PLEKHG4B: variants seen among roughly 807,000 people sequenced by gnomAD.
The protein encoded by PLEKHG4B is pleckstrin homology domain-containing family G member 4B.
In PLEKHG4B, 111 loss-of-function variants were observed where a neutral mutation model predicts 121.3. That is an observed-to-expected ratio of 0.92 (90% CI 0.78 to 1.07). The LOEUF (loss-of-function observed/expected upper bound fraction) is 1.07, where lower values mean the gene tolerates loss of function less well. Among genes scored for constraint, PLEKHG4B ranks in the 50% least tolerant of loss-of-function variants. The pLI, the probability that PLEKHG4B is intolerant of heterozygous loss-of-function variation, is 0.00. For synonymous variants in PLEKHG4B, 738 were observed against 725.0 expected (o/e 1.02, Z -0.29); for missense variants, 1,831 against 1,757.8 (o/e 1.04, Z -0.74).
intron 11 of PLEKHG4B, among the ~76,000 whole-genome samples, chr5:160,078 G>T (rs1735941732): frequency 6.6e-6 from 1 of 152,252 alleles, no homozygotes. Context: ...ATGTATAGGT[G>T]CACGTCTGTC....
Position 171,137 on chromosome 5 carries a change from T to G in PLEKHG4B, c.3819+5T>G. 1 of 1,611,074 alleles carries G rather than the reference T, an allele frequency of 6.2e-7. No homozygotes were observed. Among genetic ancestry groups the G allele is most frequent in the Non-Finnish European group, 8.5e-7 (1 of 1,178,690 alleles). On this transcript the variant is annotated splice_donor_5th_base_variant and intron_variant, in intron 15 of 19. Coordinates refer to ENST00000637938, the MANE Select transcript of PLEKHG4B (RefSeq NM_052909.5). ...CATGGCAACGCCTTCTTCAAGGTCA[T>G]CCCCCTCGGCCCGCCCCCCACAGCC...
intron 13 of PLEKHG4B, among the ~76,000 whole-genome samples, chr5:164,770 C>T (rs1243336857): frequency 7.3e-5 from 8 of 110,122 alleles, no homozygotes; most frequent in South Asian, 3.1e-4. Flanking sequence ...TCTGACGGGG[C>T]GGAGCTCACA....
At chr5:98,813 C>G (rs1733706092) in intron 1 of PLEKHG4B, among the ~76,000 whole-genome samples, 1 of 131,498 alleles carries the variant, frequency 7.6e-6, no homozygotes, top group Non-Finnish European at 1.6e-5. Context: ...ATCAGGAAGT[C>G]TGAGTATTCC....
Position 140,619 on chromosome 5 carries a change from C to G in PLEKHG4B, c.1380C>G (p.His460Gln), listed in dbSNP as rs1356204239. Residue 460 changes from histidine to glutamine, a missense_variant, in exon 3 of 20, where the codon CAC becomes CAG. His to Gln is a conservative substitution (Grantham distance 24). Coordinates refer to ENST00000637938, the MANE Select transcript of PLEKHG4B (RefSeq NM_052909.5). ...AQAAACHTSH[H>Q]SAGSRPGGHL... ...CTGCAGCCTGCCACACCTCCCACCACTCAGCAGGCTCCAGGCCTGGGGGCC... is the reference window on the plus strand; with the variant it reads ...CTGCAGCCTGCCACACCTCCCACCAGTCAGCAGGCTCCAGGCCTGGGGGCC... The G allele has an allele frequency of 2.5e-6, 4 of 1,610,912 alleles. No homozygotes were observed. Among genetic ancestry groups the G allele is most frequent in the Non-Finnish European group, 2.5e-6 (3 of 1,178,998 alleles).
At chr5:101,655 G>T (rs1733818548) in intron 1 of PLEKHG4B, among the ~76,000 whole-genome samples, 2 of 134,806 alleles carry the variant, frequency 1.5e-5, no homozygotes, top group African/African-American at 6.5e-5. Flanking sequence ...TCCATATAAA[G>T]CTCTGGAAAA....
At chr5:153,691 GT>G (rs1192806077) in intron 7 of PLEKHG4B, among the ~76,000 whole-genome samples, 1 of 152,108 alleles carries the variant, frequency 6.6e-6, no homozygotes, top group Non-Finnish European at 1.5e-5. Flanking sequence ...TTTTATTTAT[GT>G]TTTTATTTTT....
At chr5:123,754 A>G (rs1378721204) in intron 2 of PLEKHG4B, among the ~76,000 whole-genome samples, 1 of 152,098 alleles carries the variant, frequency 6.6e-6, no homozygotes, top group Non-Finnish European at 1.5e-5. Flanking sequence ...TTCTTTTTTC[A>G]GTCCACTTGG....
intron 2 of PLEKHG4B, among the ~76,000 whole-genome samples, chr5:118,325 A>G (rs1405984982): frequency 6.6e-6 from 1 of 152,222 alleles, no homozygotes; most frequent in African/African-American, 2.4e-5. Context: ...TAAGCAGACC[A>G]CACACTGCTT....
At chr5:102,500 G>A (rs900473236) in intron 1 of PLEKHG4B, among the ~76,000 whole-genome samples, 2 of 152,114 alleles carry the variant, frequency 1.3e-5, no homozygotes, top group African/African-American at 4.8e-5. Flanking sequence ...GCAACCGCCA[G>A]TGCTGTGGGT....
At chr5:178,344 C>T (rs1408802312) in intron 18 of PLEKHG4B, among the ~76,000 whole-genome samples, 1 of 152,210 alleles carries the variant, frequency 6.6e-6, no homozygotes, top group African/African-American at 2.4e-5. Flanking sequence ...TCCTGCCCTG[C>T]TCATGCCTGT....
chr5:110,746 A>C (rs1196260761), intron 1 of PLEKHG4B, among the ~76,000 whole-genome samples: 1 of 152,142 alleles, frequency 6.6e-6, no homozygotes, highest in Non-Finnish European at 1.5e-5. Context: ...ACTCTGCAAC[A>C]AACGTGCACA....
In PLEKHG4B at chr5:182,484, C is replaced by T; in HGVS notation, c.*161C>T. 1 of 677,230 alleles carries T rather than the reference C, an allele frequency of 1.5e-6. No individual in the cohort carries two copies. The highest frequency in any genetic ancestry group is 2.4e-6 in the Non-Finnish European group (1 of 417,490). The allele number at this position is 677,230 out of a possible 1,614,324, so 42.0% of individuals were successfully genotyped here. A position where few individuals can be genotyped will look rare whatever the true frequency, so the allele number is the denominator to read the frequency against. On this transcript the variant is annotated 3_prime_UTR_variant, in exon 20 of 20. Transcript: ENST00000637938. Reference sequence around the variant, plus strand: ...TCCAGGTATTTCCCAGGATTTTAGACATTCCCTAACATTTTCAAACAAATT... The same window carrying T: ...TCCAGGTATTTCCCAGGATTTTAGATATTCCCTAACATTTTCAAACAAATT...
chr5:106,500 CAGAAAAATCTG>C (rs944514318), intron 1 of PLEKHG4B, among the ~76,000 whole-genome samples: 4 of 152,180 alleles, frequency 2.6e-5, no homozygotes, highest in African/African-American at 9.7e-5. Flanking sequence ...CTTAGTTTGG[CAGAAAAATCTG>C]CCAACAGTAC....
Position 163,162 on chromosome 5 carries a change from G to C in PLEKHG4B, c.3090G>C (p.Leu1030=). 1.3e-6 allele frequency: 2 copies of C among 1,564,538 alleles called. No individual in the cohort carries two copies. Among genetic ancestry groups the C allele is most frequent in the Admixed American group, 1.8e-5 (1 of 54,334 alleles). ...ACGGGGAGACCCTGCGCCCAGGGCT[G>C]TGTGCTCTGTGGGACCCACTGTCCC... is the stretch of plus-strand genomic sequence containing the variant. ...GQDGETLRPG[L]CALWDPLSLL... The change falls in exon 13 of 20, where the codon CTG becomes CTC. Residue 1030 remains leucine, a synonymous_variant. Transcript: ENST00000637938.
chr5:99,170 G>GTATATATATATATATA (rs534174768), intron 1 of PLEKHG4B, among the ~76,000 whole-genome samples: 7 of 100,498 alleles, frequency 7.0e-5, no homozygotes, highest in African/African-American at 1.6e-4. Context: ...AAAAAAAAGT[G>GTATATATATATATATA]TATATATATA....
intron 1 of PLEKHG4B, among the ~76,000 whole-genome samples, chr5:104,916 G>A (rs968318863): frequency 6.6e-6 from 1 of 152,262 alleles, no homozygotes; most frequent in African/African-American, 2.4e-5. Flanking sequence ...CTCCCTCCAT[G>A]GTGGAGAAAC....
intron 1 of PLEKHG4B, among the ~76,000 whole-genome samples, chr5:92,515 TCA>T (rs2126319636): frequency 5.2e-5 from 2 of 38,358 alleles, no homozygotes; most frequent in African/African-American, 1.2e-4. Flanking sequence ...GGCGCGAGCA[TCA>T]AGGCGGGCGG....
chr5:189,057 C>T lies in PLEKHG4B; in HGVS notation c.*6734C>T, dbSNP rs572151672. The T allele has an allele frequency of 6.6e-6, 1 of 152,420 alleles. No individual in the cohort carries two copies. Among genetic ancestry groups the T allele is most frequent in the South Asian group, 2.1e-4 (1 of 4,830 alleles). 9.4% of individuals were successfully genotyped at this position (152,420 alleles called of 1,614,324 possible). A position where few individuals can be genotyped will look rare whatever the true frequency, so the allele number is the denominator to read the frequency against. ...TGCACGGGCCTGGAAATGAAGGTCT[C>T]AGGCAGGGGCTGCGCACACCGATGG... On this transcript the variant is annotated 3_prime_UTR_variant, in exon 20 of 20. Coordinates refer to ENST00000637938, the MANE Select transcript of PLEKHG4B (RefSeq NM_052909.5).
intron 13 of PLEKHG4B, among the ~76,000 whole-genome samples, chr5:167,007 C>T (rs1736375463): frequency 6.6e-6 from 1 of 152,170 alleles, no homozygotes; most frequent in African/African-American, 2.4e-5. Context: ...TCCACTGAGC[C>T]CATGTTTCAG....
Sources: gnomAD v4.1 joint callset for allele counts (sites outside exome capture counted in the v4.1 genomes callset) on GRCh38, gnomAD v4.1.1 for gene constraint, MANE v1.5 for transcripts, NCBI Gene and HGNC (gene_info 2026-07-23, HGNC 2026-07-21) for gene names.